The following GRK4 variants were observed in gnomAD, a reference collection of about 807,000 sequenced individuals.
GRK4 encodes G protein-coupled receptor kinase 2-like.
In GRK4, 73 loss-of-function variants were observed where a neutral mutation model predicts 77.9. The observed-to-expected ratio is 0.94, with a 90% CI of 0.78 to 1.14. The LOEUF (loss-of-function observed/expected upper bound fraction) is 1.14, where lower values mean the gene tolerates loss of function less well. Ranked by LOEUF, GRK4 falls within the 50% of genes most tolerant of loss-of-function variation. GRK4 has a pLI of 0.00. For synonymous variants in GRK4, 257 were observed against 254.4 expected, an observed-to-expected ratio of 1.01 and a Z score of -0.10; for missense variants, 729 against 700.2, an observed-to-expected ratio of 1.04 and a Z score of -0.46.
intron 1 of GRK4, among the ~76,000 whole-genome samples, chr4:2,983,547 T>C (rs1723426325): frequency 6.6e-6 from 1 of 152,228 alleles, no homozygotes; most frequent in Admixed American, 6.5e-5. Flanking sequence ...ACTCTGCCAC[T>C]CACATCCTTC....
At chr4:3,007,100 G>A (rs969210057) in intron 5 of GRK4, among the ~76,000 whole-genome samples, 2 of 152,152 alleles carry the variant, frequency 1.3e-5, no homozygotes, top group Non-Finnish European at 2.9e-5. Flanking sequence ...GCTTTGGGAG[G>A]CTGAGATGGG....
chr4:2,999,575 C>T (rs1322182273), intron 4 of GRK4, among the ~76,000 whole-genome samples: 1 of 152,150 alleles, frequency 6.6e-6, no homozygotes, highest in African/African-American at 2.4e-5. Context: ...AACTGGATAG[C>T]CACATGCAGA....
chr4:3,037,432 G>A lies in GRK4; in HGVS notation c.1466G>A (p.Gly489Glu). The A allele has an allele frequency of 6.2e-7, 1 of 1,608,166 alleles. No homozygotes were observed. The highest frequency in any genetic ancestry group is 8.5e-7 in the Non-Finnish European group (1 of 1,175,932). The change falls in exon 14 of 16, where the codon GGG (glycine) becomes GAG (glutamate). Residue 489 changes from glycine (G) to glutamate (E), a missense_variant. By Grantham distance (98) the Gly-to-Glu change is moderately conservative. Coordinates refer to ENST00000398052, the MANE Select transcript of GRK4 (RefSeq NM_182982.3). ...ATCGAGCAGTTCTCGGTGGTGAAAG[G>A]GATCTACCTGGACACCGCAGATGAA... The part of the protein sequence containing the change: ...LDIEQFSVVK[G>E]IYLDTADEDF...
In GRK4 at chr4:3,001,284, T is replaced by C. The variant is rs981947641; in HGVS notation, c.340-2947T>C. Among the ~76,000 whole-genome samples, 4 of 144,732 alleles carry C rather than the reference T, an allele frequency of 2.8e-5. No individual in the cohort carries two copies. In the Admixed American group the frequency reaches 2.8e-4, roughly 10 times the overall value. 94.9% of individuals were successfully genotyped at this position (144,732 alleles called of 152,430 possible). ...ATATATGTGTGTATGTATGTATGTA[T>C]ACACATACATATATATGTATATATG... is the stretch of plus-strand genomic sequence containing the variant. On this transcript the variant is annotated intron_variant, in intron 4 of 15. Transcript: ENST00000398052.
chr4:3,023,011 CAA>C (rs1316309511), intron 10 of GRK4, among the ~76,000 whole-genome samples: 1 of 152,198 alleles, frequency 6.6e-6, no homozygotes, highest in Non-Finnish European at 1.5e-5. Flanking sequence ...AAAGTAAACA[CAA>C]AGTCAGAACG....
intron 4 of GRK4, among the ~76,000 whole-genome samples, chr4:2,999,523 A>C (rs936274803): frequency 6.6e-6 from 1 of 152,228 alleles, no homozygotes; most frequent in Non-Finnish European, 1.5e-5. Context: ...AGACAATTCA[A>C]CTGGGAGAAA....
At chr4:3,007,889 G>C in intron 6 of GRK4, 61 bp downstream of exon 6, 1 of 1,125,246 alleles carries the variant, frequency 8.9e-7, no homozygotes, top group Non-Finnish European at 1.3e-6. Context: ...TGTAGTCCCA[G>C]CTACTCAGGA....
intron 6 of GRK4, among the ~76,000 whole-genome samples, chr4:3,009,250 G>A (rs1016251070): frequency 6.6e-6 from 1 of 151,642 alleles, no homozygotes; most frequent in African/African-American, 2.4e-5. Context: ...GTGAAAACCC[G>A]TCTCTACTAA....
chr4:3,010,273 C>T (rs1326735047), intron 7 of GRK4, among the ~76,000 whole-genome samples: 2 of 152,104 alleles, frequency 1.3e-5, no homozygotes, highest in Non-Finnish European at 2.9e-5. Flanking sequence ...GTTGCCTAGA[C>T]TGGAGTGCAA....
chr4:2,972,556 CTCTT>C (rs1042192783), intron 1 of GRK4, among the ~76,000 whole-genome samples: 1 of 151,944 alleles, frequency 6.6e-6, no homozygotes, highest in African/African-American at 2.4e-5. Flanking sequence ...CTCTCTCTCT[CTCTT>C]TAACCTGTGA....
chr4:3,000,824 T>G (rs944053839), intron 4 of GRK4, among the ~76,000 whole-genome samples: 3 of 152,022 alleles, frequency 2.0e-5, no homozygotes, highest in Non-Finnish European at 4.4e-5. Context: ...CACCTCAGCC[T>G]CCCAAAGTGC....
In GRK4 at chr4:2,999,266, G is replaced by A. The variant is rs61791223; in HGVS notation, c.340-4965G>A. Among the ~76,000 whole-genome samples, 723 of 152,276 alleles carry A rather than the reference G, an allele frequency of 4.7e-3. 11 individuals are homozygous for A. The Middle Eastern group carries it at 0.048, about 10-fold the overall frequency. On this transcript the variant is annotated intron_variant, in intron 4 of 15. Transcript: ENST00000398052. Reference sequence around the variant, plus strand: ...CACGCCTGGGTGGGGAGTGGTGGAAGGGGCTGAGCTTAGCTTTTTATCAGG... The same window carrying A: ...CACGCCTGGGTGGGGAGTGGTGGAAAGGGCTGAGCTTAGCTTTTTATCAGG...
intron 10 of GRK4, among the ~76,000 whole-genome samples, chr4:3,026,240 T>A (rs988841891): frequency 1.3e-5 from 2 of 152,234 alleles, no homozygotes; most frequent in African/African-American, 4.8e-5. Context: ...CGAGAGCACC[T>A]GTTTCCCCAC....
intron 4 of GRK4, among the ~76,000 whole-genome samples, chr4:2,994,397 G>A (rs891103492): frequency 6.6e-6 from 1 of 152,168 alleles, no homozygotes; most frequent in Admixed American, 6.5e-5. Context: ...TTTTAGTACA[G>A]ACGGGGTTTT....
chr4:3,032,204 C>T (rs1284933310), intron 12 of GRK4, among the ~76,000 whole-genome samples: 2 of 152,072 alleles, frequency 1.3e-5, no homozygotes, highest in Non-Finnish European at 1.5e-5. Flanking sequence ...GCAGAATGGG[C>T]CGGGTGCGGT....
chr4:2,976,182 TTCTCTCTTTCTTTC>T (rs1188977588), intron 1 of GRK4, among the ~76,000 whole-genome samples: 1 of 152,046 alleles, frequency 6.6e-6, no homozygotes, highest in African/African-American at 2.4e-5. Context: ...TTCTTTCTCT[TTCTCTCTTTCTTTC>T]TCTCTCTTTC....
intron 4 of GRK4, among the ~76,000 whole-genome samples, chr4:2,995,127 G>A (rs75952782): frequency 0.016 from 2,401 of 152,072 alleles, 55 homozygotes; most frequent in African/African-American, 0.055. Context: ...TCTTTTTTAC[G>A]GCTGCATAGT....
intron 13 of GRK4, among the ~76,000 whole-genome samples, chr4:3,036,068 G>A (rs1740547033): frequency 6.6e-6 from 1 of 152,198 alleles, no homozygotes; most frequent in Non-Finnish European, 1.5e-5. Flanking sequence ...TGATCCTCCT[G>A]CCTTGACCTC....
intron 14 of GRK4, 143 bp downstream of exon 14, chr4:3,037,654 C>T (rs944063182): frequency 2.6e-5 from 24 of 939,128 alleles, no homozygotes; most frequent in East Asian, 2.8e-5. Context: ...CAGTGGCTCA[C>T]GCCTGTAATC....
Sources: allele counts gnomAD v4.1 joint callset (sites outside exome capture counted in the v4.1 genomes callset), GRCh38; gene constraint gnomAD v4.1.1; transcripts MANE v1.5; gene names NCBI Gene and HGNC (gene_info 2026-07-23, HGNC 2026-07-21).